Variants in CBFA2T2 observed in about 807,000 individuals in gnomAD.
CBFA2T2 encodes the protein protein CBFA2T2.
In CBFA2T2, 11 loss-of-function variants were observed where a neutral mutation model predicts 62.2. That is an observed-to-expected ratio of 0.18 (90% CI 0.11 to 0.29). CBFA2T2 has a LOEUF of 0.29. CBFA2T2 is among the 10% of genes least tolerant of loss of function. CBFA2T2 has a pLI of 1.00. For synonymous variants in CBFA2T2, 295 were observed against 287.5 expected, an observed-to-expected ratio of 1.03 and a Z score of -0.27; for missense variants, 592 against 774.1, an observed-to-expected ratio of 0.76 and a Z score of 2.79.
intron 1 of CBFA2T2, among the ~76,000 whole-genome samples, chr20:33,600,745 C>T (rs2122269538): frequency 6.6e-6 from 1 of 152,170 alleles, no homozygotes; most frequent in East Asian, 1.9e-4. Context: ...TCTTTATTTT[C>T]CCAGTACTGT....
Position 33,628,400 on chromosome 20 carries a change from A to G in CBFA2T2, c.997A>G (p.Arg333Gly), listed in dbSNP as rs2016329503. ...DELVDHRLTE[R>G]EWADEWKHLD... ...GTTGGTAGATCATCGTTTGACAGAA[A>G]GGGAATGGGCTGATGAATGGAAACA... The change falls in exon 7 of 11, where the codon AGG (arginine) becomes GGG (glycine). Residue 333 changes from arginine to glycine, a missense_variant. By Grantham distance (125) the Arg-to-Gly change is moderately radical. This residue lies in a region of CBFA2T2 where 449 missense variants were observed against 551.2 expected (regional missense o/e 0.81). Coordinates refer to ENST00000342704, the MANE Select transcript of CBFA2T2 (RefSeq NM_001032999.3). 3 of 1,613,052 alleles carry G rather than the reference A, an allele frequency of 1.9e-6. No individual in the cohort carries two copies. The highest frequency in any genetic ancestry group is 2.5e-6 in the Non-Finnish European group (3 of 1,178,942).
chr20:33,499,953 C>T (rs1005542513), intron 1 of CBFA2T2, among the ~76,000 whole-genome samples: 15 of 151,934 alleles, frequency 9.9e-5, no homozygotes, highest in Non-Finnish European at 1.2e-4. Flanking sequence ...TGTCCAAACA[C>T]CCATTTATTT....
chr20:33,511,702 C>T (rs1160271937), intron 1 of CBFA2T2, among the ~76,000 whole-genome samples: 1 of 152,130 alleles, frequency 6.6e-6, no homozygotes, highest in East Asian at 1.9e-4. Context: ...AGTGATCATA[C>T]CTGTGTAGCT....
At chr20:33,533,803 C>T (rs1039349937) in intron 1 of CBFA2T2, among the ~76,000 whole-genome samples, 8 of 152,066 alleles carry the variant, frequency 5.3e-5, no homozygotes, top group Admixed American at 1.3e-4. Flanking sequence ...GGTGAAACTC[C>T]GTCTCTACTA....
intron 1 of CBFA2T2, among the ~76,000 whole-genome samples, chr20:33,501,589 G>A (rs2011280362): frequency 7.3e-6 from 1 of 136,192 alleles, no homozygotes; most frequent in Non-Finnish European, 1.6e-5. Context: ...CCCTTGATAA[G>A]TTGGTCTGGC....
chr20:33,533,389 A>G (rs981391405), intron 1 of CBFA2T2, among the ~76,000 whole-genome samples: 6 of 152,214 alleles, frequency 3.9e-5, no homozygotes, highest in African/African-American at 1.4e-4. Flanking sequence ...TTTTATATAG[A>G]TGAAATCATA....
Position 33,579,026 on chromosome 20 carries a change from A to G in CBFA2T2, c.35-27930A>G, listed in dbSNP as rs999717749. ...GAATGGGTGGTGGAATCCTTATGCAATGATTTTTAAAATATATAATAAACA... is the reference window on the plus strand; with the variant it reads ...GAATGGGTGGTGGAATCCTTATGCAGTGATTTTTAAAATATATAATAAACA... On this transcript the variant is annotated intron_variant, in intron 1 of 10. Transcript: ENST00000342704. 1.3e-4 allele frequency among the ~76,000 whole-genome samples: 20 copies of G among 151,996 alleles called. 1 individual carries two copies. Among genetic ancestry groups the G allele is most frequent in the African/African-American group, 4.6e-4 (19 of 41,392 alleles).
intron 1 of CBFA2T2, among the ~76,000 whole-genome samples, chr20:33,564,050 T>C (rs2013190133): frequency 6.6e-6 from 1 of 152,182 alleles, no homozygotes; most frequent in Non-Finnish European, 1.5e-5. Context: ...GACCTCCCGC[T>C]GGAAAATTGT....
intron 8 of CBFA2T2, among the ~76,000 whole-genome samples, chr20:33,633,064 A>C (rs997006179): frequency 6.6e-6 from 1 of 151,836 alleles, no homozygotes; most frequent in Non-Finnish European, 1.5e-5. Flanking sequence ...TGGCCAAGTA[A>C]TTAGTGTTTT....
At chr20:33,516,615 G>T (rs934689027) in intron 1 of CBFA2T2, among the ~76,000 whole-genome samples, 2 of 152,234 alleles carry the variant, frequency 1.3e-5, no homozygotes, top group Admixed American at 6.5e-5. Context: ...TGGGATTACA[G>T]GTGTGAACCA....
In CBFA2T2 at chr20:33,514,271, GTGGTGCGATCTCGGCTCGC is replaced by G. The variant is rs552423492; in HGVS notation, c.34+23972_34+23990del. Among the ~76,000 whole-genome samples the G allele has an allele frequency of 3.9e-3, 528 of 136,202 alleles. 4 individuals are homozygous for G. Among genetic ancestry groups the G allele is most frequent in the African/African-American group, 0.014 (506 of 36,326 alleles). The allele number at this position is 136,202 out of a possible 152,430, so 89.4% of individuals were successfully genotyped here. On this transcript the variant is annotated intron_variant, in intron 1 of 10. Coordinates refer to ENST00000342704, the MANE Select transcript of CBFA2T2 (RefSeq NM_001032999.3). ...ACTCTGTCACCCAGGCTGGAGTGCA[GTGGTGCGATCTCGGCTCGC>G]TACAACCTCCACCTCTTGGGTTCAA...
At chr20:33,574,623 CA>C (rs1007193527) in intron 1 of CBFA2T2, among the ~76,000 whole-genome samples, 3 of 152,064 alleles carry the variant, frequency 2.0e-5, no homozygotes, top group African/African-American at 7.2e-5. Flanking sequence ...AACTCCATCT[CA>C]AAAAAACAAA....
At chr20:33,577,185 G>A (rs1009325488) in intron 1 of CBFA2T2, among the ~76,000 whole-genome samples, 6 of 152,118 alleles carry the variant, frequency 3.9e-5, no homozygotes, top group Non-Finnish European at 1.5e-5. Flanking sequence ...AAGCAGTGAT[G>A]GCTGTTGATC....
chr20:33,565,109 C>T lies in CBFA2T2; in HGVS notation c.35-41847C>T, dbSNP rs1600977806. 2.6e-5 allele frequency among the ~76,000 whole-genome samples: 4 copies of T among 151,952 alleles called. No homozygotes were observed. In the South Asian group the frequency reaches 6.2e-4, roughly 24 times the overall value. ...TAATTTTTTGTATTTTTAGTAGAGACGGTGTTTCACCGTGTTAGCCAGGAT... is the reference window on the plus strand; with the variant it reads ...TAATTTTTTGTATTTTTAGTAGAGATGGTGTTTCACCGTGTTAGCCAGGAT... On this transcript the variant is annotated intron_variant, in intron 1 of 10. Coordinates refer to ENST00000342704, the MANE Select transcript of CBFA2T2 (RefSeq NM_001032999.3).
At chr20:33,547,450 C>A (rs991041894) in intron 1 of CBFA2T2, among the ~76,000 whole-genome samples, 1 of 152,236 alleles carries the variant, frequency 6.6e-6, no homozygotes, top group East Asian at 1.9e-4. Context: ...TGCCTGTAAT[C>A]CCAGCACTTT....
At chr20:33,538,798 A>C (rs2012332378) in intron 1 of CBFA2T2, among the ~76,000 whole-genome samples, 1 of 146,648 alleles carries the variant, frequency 6.8e-6, no homozygotes, top group South Asian at 2.1e-4. Flanking sequence ...TGTCCTTTTC[A>C]ATTTTCTTTT....
intron 1 of CBFA2T2, among the ~76,000 whole-genome samples, chr20:33,586,652 A>G (rs908276918): frequency 1.5e-4 from 23 of 152,320 alleles, no homozygotes; most frequent in African/African-American, 4.8e-4. Context: ...AAGAGATTCT[A>G]TATAATCAAA....
At chr20:33,504,868 T>A (rs1160999323) in intron 1 of CBFA2T2, among the ~76,000 whole-genome samples, 1 of 152,186 alleles carries the variant, frequency 6.6e-6, no homozygotes, top group East Asian at 1.9e-4. Flanking sequence ...CTGGGTGAAA[T>A]CAATTTTGGT....
At chr20:33,540,874 T>C (rs1230595186) in intron 1 of CBFA2T2, among the ~76,000 whole-genome samples, 2 of 152,192 alleles carry the variant, frequency 1.3e-5, no homozygotes, top group African/African-American at 4.8e-5. Context: ...ACCATTCTAA[T>C]TGTATTCTGG....
Sources: gnomAD v4.1 joint callset for allele counts (sites outside exome capture counted in the v4.1 genomes callset) on GRCh38, gnomAD v4.1.1 for gene constraint, gnomAD v4.1.1 regional missense constraint, MANE v1.5 for transcripts, NCBI Gene and HGNC (gene_info 2026-07-23, HGNC 2026-07-21) for gene names.